Variants in TSPEAR observed in about 807,000 individuals in gnomAD.
TSPEAR encodes thrombospondin-type laminin G domain and EAR repeat-containing protein.
A neutral mutation model predicts 71.6 loss-of-function variants in TSPEAR; 69 were observed. The observed-to-expected ratio is 0.96, with a 90% CI of 0.79 to 1.18. The LOEUF (loss-of-function observed/expected upper bound fraction) is 1.18. Among genes scored for constraint, TSPEAR ranks in the 50% most tolerant of loss-of-function variants. The pLI, the probability that TSPEAR is intolerant of heterozygous loss-of-function variation, is 0.00. For missense variants in TSPEAR, 971 were observed against 894.9 expected, an observed-to-expected ratio of 1.09 and a Z score of -1.09; for synonymous variants, 402 against 387.2, an observed-to-expected ratio of 1.04 and a Z score of -0.45.
At chr21:44,692,339 T>G (rs1316438376) in intron 1 of TSPEAR, among the ~76,000 whole-genome samples, 2 of 152,166 alleles carry the variant, frequency 1.3e-5, no homozygotes, top group African/African-American at 4.8e-5. Flanking sequence ...AACATTGTAC[T>G]GGAAGTTCTA....
At chr21:44,669,437 A>T (rs587709258) in intron 1 of TSPEAR, among the ~76,000 whole-genome samples, 1 of 152,316 alleles carries the variant, frequency 6.6e-6, no homozygotes, top group South Asian at 2.1e-4. Flanking sequence ...AATTAAATAA[A>T]AAAATAAAGC....
chr21:44,617,433 A>G (rs1555932752), intron 1 of TSPEAR, among the ~76,000 whole-genome samples: 5 of 152,258 alleles, frequency 3.3e-5, no homozygotes, highest in South Asian at 4.1e-4. Flanking sequence ...GAGGGCCCCA[A>G]TGGCAGAGGA....
rs144873228 is a variant in TSPEAR, at chr21:44,501,331, C to G, written c.1857-1395G>C. Among the ~76,000 whole-genome samples, 815 of 151,826 alleles carry G rather than the reference C, an allele frequency of 5.4e-3. 5 individuals carry two copies. Among genetic ancestry groups the G allele is most frequent in the African/African-American group, 0.019 (775 of 41,328 alleles). On this transcript the variant is annotated intron_variant, in intron 11 of 11. Transcript: ENST00000323084. ...CAGGCATGGGCTAGGCGCAGTGGCT[C>G]ATGCCTGTAATCCCAGCACTTTGGG... is the stretch of plus-strand genomic sequence containing the variant.
chr21:44,617,231 G>A (rs1467271415), intron 1 of TSPEAR, among the ~76,000 whole-genome samples: 1 of 152,224 alleles, frequency 6.6e-6, no homozygotes, highest in African/African-American at 2.4e-5. Context: ...GGACATGGGG[G>A]GACACTTGGG....
intron 2 of TSPEAR, among the ~76,000 whole-genome samples, chr21:44,545,699 C>T (rs1220783508): frequency 2.0e-5 from 3 of 151,982 alleles, no homozygotes; most frequent in Non-Finnish European, 4.4e-5. Flanking sequence ...ACAGAAAATA[C>T]TTTGAGATGA....
At chr21:44,622,709 C>A (rs1982521724) in intron 1 of TSPEAR, among the ~76,000 whole-genome samples, 1 of 152,366 alleles carries the variant, frequency 6.6e-6, no homozygotes, top group Non-Finnish European at 1.5e-5. Flanking sequence ...TTAAGGTTCA[C>A]TATAACCCGG....
intron 1 of TSPEAR, among the ~76,000 whole-genome samples, chr21:44,693,872 C>G (rs1348403021): frequency 6.6e-6 from 1 of 152,170 alleles, no homozygotes; most frequent in Non-Finnish European, 1.5e-5. Flanking sequence ...CAAATAGATC[C>G]TTGTATGTCA....
At chr21:44,553,806 G>C (rs782244925) in intron 2 of TSPEAR, among the ~76,000 whole-genome samples, 1 of 152,186 alleles carries the variant, frequency 6.6e-6, no homozygotes, top group African/African-American at 2.4e-5. Context: ...ACACGATCTG[G>C]AAATGAACTG....
At chr21:44,528,400 CTG>C (rs1328245451) in intron 6 of TSPEAR, 50 bp downstream of exon 6, 3 of 1,609,690 alleles carry the variant, frequency 1.9e-6, no homozygotes, top group Middle Eastern at 1.7e-4. Flanking sequence ...CCCAGTCACA[CTG>C]TGCCAGAGTG....
intron 1 of TSPEAR, among the ~76,000 whole-genome samples, chr21:44,699,138 A>G (rs868910941): frequency 6.6e-6 from 1 of 152,292 alleles, no homozygotes; most frequent in Non-Finnish European, 1.5e-5. Context: ...CGGAGGGTGC[A>G]GTGAGCTGAG....
rs1601424816 is a variant in TSPEAR, at chr21:44,568,484, C to T, written c.83-479G>A. Reference sequence around the variant, plus strand: ...GGGTGCTGTGGGAGGCTGGAGCTGCCATGGAGCTGGCAGTGCCTGCCCCTC... The same window carrying T: ...GGGTGCTGTGGGAGGCTGGAGCTGCTATGGAGCTGGCAGTGCCTGCCCCTC... On this transcript the variant is annotated intron_variant, in intron 1 of 11. Coordinates refer to ENST00000323084, the MANE Select transcript of TSPEAR (RefSeq NM_144991.3). Among the ~76,000 whole-genome samples, 3 of 152,338 alleles carry T rather than the reference C, an allele frequency of 2.0e-5. No individual in the cohort carries two copies. The South Asian group carries it at 6.2e-4, about 32-fold the overall frequency.
At chr21:44,654,159 G>A (rs587765823) in intron 1 of TSPEAR, 144 of 775,044 alleles carry the variant, frequency 1.9e-4, no homozygotes, top group African/African-American at 5.3e-4. Context: ...GGAGGCAGGC[G>A]GTCTAGTCAG....
chr21:44,542,326 T>C (rs1258558130), intron 2 of TSPEAR, among the ~76,000 whole-genome samples: 1 of 152,198 alleles, frequency 6.6e-6, no homozygotes. Flanking sequence ...GCCTATATTT[T>C]GTGAAAATTT....
rs374953227 is a variant in TSPEAR, at chr21:44,499,914, C to G, written c.1879G>C (p.Val627Leu). The part of the protein sequence containing the change: ...IYRWQGYEGF[V>L]AVHSLPTVGC... ...ACGGTGGGGAGGCTGTGCACCGCCA[C>G]GAAGCCCTCGTAGCCCTGCCACCTG... Residue 627 changes from valine (V) to leucine (L), a missense_variant, in exon 12 of 12, where the codon GTG becomes CTG. Transcript: ENST00000323084. The G allele has an allele frequency of 5.6e-6, 9 of 1,607,786 alleles. No homozygotes were observed. Among genetic ancestry groups the G allele is most frequent in the Non-Finnish European group, 5.9e-6 (7 of 1,178,182 alleles).
chr21:44,584,271 C>T (rs460085), intron 1 of TSPEAR, among the ~76,000 whole-genome samples: 143,498 of 152,246 alleles, frequency 0.94, 67,794 homozygotes, highest in Non-Finnish European at 0.97. Context: ...GGATCTCCCT[C>T]CTTTCTATGG....
rs149265763 is a variant in TSPEAR, at chr21:44,593,763, G to A, written c.83-25758C>T. Among the ~76,000 whole-genome samples the A allele has an allele frequency of 4.7e-4, 72 of 152,302 alleles. No individual in the cohort carries two copies. The highest frequency in any genetic ancestry group is 1.5e-3 in the African/African-American group (62 of 41,560). ...GCCGCGTGCCCTACACTGAGAGGAC[G>A]GACTCTGCTCTCACGCCACAGCTGC... On this transcript the variant is annotated intron_variant, in intron 1 of 11. Coordinates refer to ENST00000323084, the MANE Select transcript of TSPEAR (RefSeq NM_144991.3). The surrounding 1 kb of genome is among the most constrained non-coding windows in gnomAD (Gnocchi z 5.9).
chr21:44,554,821 G>A (rs921420707), intron 2 of TSPEAR, among the ~76,000 whole-genome samples: 1 of 152,124 alleles, frequency 6.6e-6, no homozygotes, highest in Non-Finnish European at 1.5e-5. Flanking sequence ...TTGTATGTGC[G>A]GTTCTGTTTC....
chr21:44,570,989 C>T (rs2053786635), intron 1 of TSPEAR, among the ~76,000 whole-genome samples: 1 of 152,146 alleles, frequency 6.6e-6, no homozygotes, highest in African/African-American at 2.4e-5. Flanking sequence ...AGGACACCTT[C>T]CAACACAGAA....
intron 1 of TSPEAR, chr21:44,677,996 G>T: frequency 9.8e-7 from 1 of 1,023,768 alleles, no homozygotes; most frequent in Non-Finnish European, 1.5e-6. Flanking sequence ...GAGTATCGGC[G>T]GCATGGTCAC....
Sources: allele counts gnomAD v4.1 joint callset (sites outside exome capture counted in the v4.1 genomes callset), GRCh38; gene constraint gnomAD v4.1.1; non-coding constraint Gnocchi (gnomAD v3.1); transcripts MANE v1.5; gene names NCBI Gene and HGNC (gene_info 2026-07-23, HGNC 2026-07-21).